Variants in IQSEC1 observed in about 807,000 individuals in gnomAD.
IQSEC1 encodes IQ motif and Sec7 domain ArfGEF 1.
A neutral mutation model predicts 91.0 loss-of-function variants in IQSEC1; 31 were observed. That is an observed-to-expected ratio of 0.34 (90% CI 0.26 to 0.46). The LOEUF (loss-of-function observed/expected upper bound fraction) is 0.46, where lower values mean the gene tolerates loss of function less well. Among genes scored for constraint, IQSEC1 ranks in the 20% least tolerant of loss-of-function variants. The pLI is 1.00. For missense variants in IQSEC1, 1,388 were observed against 1,575.6 expected, an observed-to-expected ratio of 0.88 and a Z score of 2.02; for synonymous variants, 699 against 662.6, an observed-to-expected ratio of 1.05 and a Z score of -0.84.
chr3:12,902,783 C>G lies in IQSEC1; in HGVS notation c.2795G>C (p.Ser932Thr), dbSNP rs1475070515. ...GRRSSAGSLE[S>T]NVEGSIISSP... is the part of the protein sequence containing the mutation. ...GCGCTTCCTACTTACTTCCACATTG[C>G]TCTCTAGCGATCCCGCACTGCTGCG... Residue 932 changes from serine to threonine, a missense_variant, in exon 13 of 14, where the codon AGC becomes ACC. Ser to Thr is a moderately conservative substitution (Grantham distance 58). Around this residue, in one of 2 missense-constraint regions of IQSEC1, gnomAD observed 329 missense variants for 257.8 expected, o/e 1.28. Transcript: ENST00000613206. The G allele has an allele frequency of 6.2e-7, 1 of 1,608,354 alleles. No individual in the cohort carries two copies. The highest frequency in any genetic ancestry group is 1.7e-5 in the Admixed American group (1 of 59,840).
At chr3:13,257,739 A>T (rs1576313093) in intron 1 of IQSEC1, among the ~76,000 whole-genome samples, 1 of 152,236 alleles carries the variant, frequency 6.6e-6, no homozygotes, top group East Asian at 1.9e-4. Flanking sequence ...AAAACGGCAC[A>T]GCCACTTTGG....
intron 2 of IQSEC1, among the ~76,000 whole-genome samples, chr3:13,140,877 G>A (rs1473590043): frequency 6.6e-6 from 1 of 152,204 alleles, no homozygotes; most frequent in Non-Finnish European, 1.5e-5. Flanking sequence ...TGTCACAGCA[G>A]TAGGAAAGGA....
intron 1 of IQSEC1, among the ~76,000 whole-genome samples, chr3:13,233,452 A>G (rs577149702): frequency 7.9e-5 from 12 of 152,246 alleles, no homozygotes; most frequent in Non-Finnish European, 1.5e-4. Flanking sequence ...TGGCTGAGCC[A>G]CCCGCTACCA....
chr3:13,085,488 T>C (rs1236981850), intron 2 of IQSEC1, among the ~76,000 whole-genome samples: 1 of 152,066 alleles, frequency 6.6e-6, no homozygotes, highest in Non-Finnish European at 1.5e-5. Flanking sequence ...GTAAGAAGGA[T>C]AGTGTGTTTA....
rs886450151 is a variant in IQSEC1 at position 13,193,186 on chromosome 3, C to T, written c.273-29053G>A. On this transcript the variant is annotated intron_variant, in intron 1 of 15. Transcript: ENST00000648114. This position sits in a 1 kb window ranked among gnomAD's most constrained non-coding sequence, Gnocchi z 4.2. ...CTCACACACAGAGCCTGCCCCATTC[C>T]CCGGACTCTCATGGGCATCTCTGCT... is the stretch of plus-strand genomic sequence containing the variant. 2.0e-5 allele frequency among the ~76,000 whole-genome samples: 3 copies of T among 152,234 alleles called. No homozygotes were observed. The highest frequency in any genetic ancestry group is 7.2e-5 in the African/African-American group (3 of 41,466).
At chr3:13,184,069 C>A (rs1693891626) in intron 1 of IQSEC1, among the ~76,000 whole-genome samples, 1 of 152,208 alleles carries the variant, frequency 6.6e-6, no homozygotes, top group East Asian at 1.9e-4. Flanking sequence ...AATGGCTTCA[C>A]TAGTGAATTC....
intron 2 of IQSEC1, among the ~76,000 whole-genome samples, chr3:13,110,978 T>C (rs1264601029): frequency 6.6e-6 from 1 of 151,664 alleles, no homozygotes; most frequent in Non-Finnish European, 1.5e-5. Flanking sequence ...AAAAACAGGG[T>C]GGTTGGAGGA....
intron 1 of IQSEC1, among the ~76,000 whole-genome samples, chr3:13,242,791 T>C (rs1244534021): frequency 2.0e-5 from 3 of 151,976 alleles, no homozygotes; most frequent in African/African-American, 7.3e-5. Context: ...CCGGGACTGG[T>C]TGGAGTTTCA....
At position 12,901,384 on chromosome 3, in the gene IQSEC1, G is replaced by GA. The variant is rs1559596554; in HGVS notation, c.2943dup (p.Pro982SerfsTer211). On this transcript the variant is annotated frameshift_variant, in exon 14 of 14. Transcript: ENST00000613206. LOFTEE classifies it low-confidence loss of function (END_TRUNC). ...GGGGCTGAGGGCAGGTGGGCCTGGG[G>GA]AGGGGGCTTCCCTCTCTTGCTCCCG... is the stretch of plus-strand genomic sequence containing the variant. 1 of 1,542,738 alleles carries GA rather than the reference G, an allele frequency of 6.5e-7. No homozygotes were observed. The highest frequency in any genetic ancestry group is 8.7e-7 in the Non-Finnish European group (1 of 1,145,244).
chr3:12,911,964 AC>A (rs1432269378), intron 9 of IQSEC1, among the ~76,000 whole-genome samples: 1 of 152,202 alleles, frequency 6.6e-6, no homozygotes, highest in African/African-American at 2.4e-5. Context: ...GGCGGTAGGC[AC>A]TTCACAGCAC....
intron 1 of IQSEC1, among the ~76,000 whole-genome samples, chr3:12,956,541 C>T (rs780813060): frequency 6.6e-5 from 10 of 152,216 alleles, no homozygotes; most frequent in Non-Finnish European, 1.2e-4. Flanking sequence ...ATTCACCAGA[C>T]GCCCTCGTTC....
intron 1 of IQSEC1, among the ~76,000 whole-genome samples, chr3:12,954,772 T>C (rs893518795): frequency 1.3e-5 from 2 of 152,204 alleles, no homozygotes; most frequent in Non-Finnish European, 2.9e-5. Context: ...GCTCAATGAA[T>C]GAATGATGCT....
chr3:13,068,853 C>T (rs947125423), intron 1 of IQSEC1, among the ~76,000 whole-genome samples: 9 of 152,252 alleles, frequency 5.9e-5, no homozygotes, highest in Admixed American at 5.2e-4. Context: ...TTCACTCAAT[C>T]CATTCCCATT....
At chr3:12,993,005 C>T (rs928734492) in intron 1 of IQSEC1, among the ~76,000 whole-genome samples, 1 of 152,082 alleles carries the variant, frequency 6.6e-6, no homozygotes, top group Non-Finnish European at 1.5e-5. Flanking sequence ...GGGTCCCACA[C>T]TCTAAGACCC....
In IQSEC1 at chr3:13,015,637, C is replaced by T. The variant is rs566182040; in HGVS notation, c.23+57355G>A. ...AACCCCAGTGCCTGGCCTGCCTCTGCGGCCCCGGGGGATGAGCTGTGGGTC... is the reference window on the plus strand; with the variant it reads ...AACCCCAGTGCCTGGCCTGCCTCTGTGGCCCCGGGGGATGAGCTGTGGGTC... On this transcript the variant is annotated intron_variant, in intron 1 of 13. Coordinates refer to ENST00000613206, the MANE Select transcript of IQSEC1 (RefSeq NM_001134382.3). 9 of 985,198 alleles carry T rather than the reference C, an allele frequency of 9.1e-6. No individual in the cohort carries two copies. The African/African-American group carries it at 1.0e-4, about 11-fold the overall frequency. The allele number at this position is 985,198 out of a possible 1,614,324, so 61.0% of individuals were successfully genotyped here.
At position 12,901,270 on chromosome 3, in the gene IQSEC1, G is replaced by C; in HGVS notation, c.3058C>G (p.Pro1020Ala). The change falls in exon 14 of 14, where the codon CCG (proline) becomes GCG (alanine). Residue 1020 changes from proline (P) to alanine (A), a missense_variant. Pro to Ala is a conservative substitution (Grantham distance 27). This residue lies in a region of IQSEC1 where 329 missense variants were observed against 257.8 expected (regional missense o/e 1.28). Transcript: ENST00000613206. ...TGATGCCCGTGCATGGCGGCCTGCG[G>C]CAGCCCCTCTGGGGGCCCCAGGTGG... The part of the protein sequence containing the change: ...GHHLGPPEGL[P>A]QAAMHGHHTQ... 6.5e-7 allele frequency: 1 copy of C among 1,548,638 alleles called. No homozygotes were observed. The highest frequency in any genetic ancestry group is 8.7e-7 in the Non-Finnish European group (1 of 1,146,644).
intron 1 of IQSEC1, among the ~76,000 whole-genome samples, chr3:13,025,624 G>A (rs552569791): frequency 2.9e-4 from 44 of 152,316 alleles, no homozygotes; most frequent in African/African-American, 1.0e-3. Flanking sequence ...TCTGCCTGTG[G>A]TCTTAGGGCC....
At chr3:13,096,646 G>T (rs909722540) in intron 2 of IQSEC1, among the ~76,000 whole-genome samples, 4 of 152,162 alleles carry the variant, frequency 2.6e-5, no homozygotes, top group African/African-American at 7.2e-5. Flanking sequence ...ATGAGCAAAG[G>T]CACGGCAGCC....
chr3:13,178,258 T>C (rs539195801), intron 1 of IQSEC1, among the ~76,000 whole-genome samples: 1 of 152,372 alleles, frequency 6.6e-6, no homozygotes, highest in Non-Finnish European at 1.5e-5. Context: ...GGTGGCCAGA[T>C]AGACACAAGA....
Sources: gnomAD v4.1 joint callset for allele counts (sites outside exome capture counted in the v4.1 genomes callset) on GRCh38, gnomAD v4.1.1 for gene constraint, gnomAD v4.1.1 regional missense constraint, Gnocchi (gnomAD v3.1) non-coding constraint, MANE v1.5 for transcripts, NCBI Gene and HGNC (gene_info 2026-07-23, HGNC 2026-07-21) for gene names.